The following CFAP299 variants were observed in gnomAD, a reference collection of about 807,000 sequenced individuals.
CFAP299 encodes the protein cilia- and flagella-associated protein 299.
CFAP299 carries 21 observed loss-of-function variants against 27.0 expected under a neutral mutation model. The ratio of observed to expected loss-of-function variants is 0.78; its 90% confidence interval spans 0.55 to 1.12. CFAP299 has a LOEUF of 1.12. Among genes scored for constraint, CFAP299 ranks in the 50% most tolerant of loss-of-function variants. CFAP299 has a pLI of 0.00. For missense variants in CFAP299, 310 were observed against 276.6 expected, an observed-to-expected ratio of 1.12 and a Z score of -0.86; for synonymous variants, 104 against 98.1, an observed-to-expected ratio of 1.06 and a Z score of -0.36.
chr4:80,526,144 G>A (rs563523005), intron 2 of CFAP299, among the ~76,000 whole-genome samples: 13 of 152,130 alleles, frequency 8.5e-5, no homozygotes, highest in African/African-American at 2.9e-4. Flanking sequence ...GCCGGAAGTC[G>A]GGTCATAGCT....
intron 2 of CFAP299, among the ~76,000 whole-genome samples, chr4:80,413,375 C>T (rs1359974024): frequency 6.6e-6 from 1 of 152,222 alleles, no homozygotes; most frequent in Non-Finnish European, 1.5e-5. Flanking sequence ...TCACCTGTGA[C>T]ACCTTTCAGG....
In CFAP299 at chr4:80,685,501, A is replaced by G. The variant is rs542339025; in HGVS notation, c.333+102318A>G. On this transcript the variant is annotated intron_variant, in intron 3 of 5. Coordinates refer to ENST00000358105, the MANE Select transcript of CFAP299 (RefSeq NM_152770.3). Reference sequence around the variant, plus strand: ...GCTGTTGGATAGGTTCTTGTATACAAAAACTCTATAGGTCAAGTAAAGAGC... The same window carrying G: ...GCTGTTGGATAGGTTCTTGTATACAGAAACTCTATAGGTCAAGTAAAGAGC... 5.6e-4 allele frequency among the ~76,000 whole-genome samples: 85 copies of G among 152,102 alleles called. 1 individual carries two copies. The highest frequency in any genetic ancestry group is 1.9e-3 in the African/African-American group (78 of 41,496).
intron 2 of CFAP299, among the ~76,000 whole-genome samples, chr4:80,464,086 A>AT (rs1392215812): frequency 4.7e-5 from 7 of 148,876 alleles, no homozygotes; most frequent in African/African-American, 1.8e-4. Context: ...TTATTTTGTA[A>AT]ATTTTTTTTT....
chr4:80,379,239 TATC>T, intron 2 of CFAP299, among the ~76,000 whole-genome samples: 1 of 152,176 alleles, frequency 6.6e-6, no homozygotes, highest in African/African-American at 2.4e-5. Flanking sequence ...AATATCATGT[TATC>T]ATTTTAATAT....
intron 4 of CFAP299, among the ~76,000 whole-genome samples, chr4:80,920,999 G>A (rs1162856817): frequency 6.6e-6 from 1 of 152,002 alleles, no homozygotes; most frequent in East Asian, 1.9e-4. Context: ...TTTCTTATTT[G>A]CTAAATGCAT....
chr4:80,756,091 A>G (rs1186950243), intron 3 of CFAP299, among the ~76,000 whole-genome samples: 1 of 152,130 alleles, frequency 6.6e-6, no homozygotes, highest in Non-Finnish European at 1.5e-5. Context: ...TAGTTTTAAT[A>G]TAGAAAATAG....
chr4:80,390,555 A>G (rs1725292892), intron 2 of CFAP299, among the ~76,000 whole-genome samples: 2 of 135,824 alleles, frequency 1.5e-5, no homozygotes, highest in Non-Finnish European at 3.1e-5. Context: ...ACATATATGT[A>G]TATATGTATA....
At chr4:80,642,725 C>A (rs1192237576) in intron 3 of CFAP299, among the ~76,000 whole-genome samples, 1 of 152,170 alleles carries the variant, frequency 6.6e-6, no homozygotes. Flanking sequence ...GATCACACCA[C>A]TGCACTCCAG....
At chr4:80,813,925 T>C (rs1179642511) in intron 3 of CFAP299, among the ~76,000 whole-genome samples, 7 of 152,034 alleles carry the variant, frequency 4.6e-5, no homozygotes, top group Admixed American at 4.6e-4. Flanking sequence ...TCATCTATTT[T>C]CTGTATTTAT....
chr4:80,822,180 A>G (rs554707419), intron 3 of CFAP299, among the ~76,000 whole-genome samples: 1 of 152,272 alleles, frequency 6.6e-6, no homozygotes, highest in African/African-American at 2.4e-5. Flanking sequence ...CTTCTTATTT[A>G]TTCATAAATT....
At chr4:80,928,898 A>C (rs912553056) in intron 4 of CFAP299, among the ~76,000 whole-genome samples, 1 of 152,038 alleles carries the variant, frequency 6.6e-6, no homozygotes, top group African/African-American at 2.4e-5. Context: ...TCATAGTATT[A>C]TTCTATCATA....
chr4:80,836,981 A>G (rs2110135718), intron 3 of CFAP299, among the ~76,000 whole-genome samples: 2 of 152,214 alleles, frequency 1.3e-5, no homozygotes, highest in Middle Eastern at 6.8e-3. Context: ...GCTTTTGACT[A>G]GTAGTTTTTA....
chr4:80,765,030 A>G (rs1456563410), intron 3 of CFAP299, among the ~76,000 whole-genome samples: 3 of 152,182 alleles, frequency 2.0e-5, no homozygotes, highest in Non-Finnish European at 4.4e-5. Flanking sequence ...TGGGTGCAGC[A>G]AACCACTGTG....
At chr4:80,631,866 C>CCCCG (rs1739227703) in intron 3 of CFAP299, among the ~76,000 whole-genome samples, 1 of 99,392 alleles carries the variant, frequency 1.0e-5, no homozygotes. Flanking sequence ...TGTGCCCCAC[C>CCCCG]CCCCCCCAAC....
chr4:80,958,244 T>C (rs1468888816), intron 5 of CFAP299, among the ~76,000 whole-genome samples: 1 of 152,198 alleles, frequency 6.6e-6, no homozygotes, highest in Non-Finnish European at 1.5e-5. Context: ...AGAAGGTCTT[T>C]GTAAATACTA....
chr4:80,664,891 T>C lies in CFAP299; in HGVS notation c.333+81708T>C, dbSNP rs1284708568. Among the ~76,000 whole-genome samples the C allele has an allele frequency of 9.9e-5, 15 of 152,278 alleles. No homozygotes were observed. The East Asian group carries it at 2.7e-3, about 27-fold the overall frequency. On this transcript the variant is annotated intron_variant, in intron 3 of 5. Transcript: ENST00000358105. ...CCAAGGGAATCTCTGTTCTGTGGAT[T>C]GCGAAGACCTTGGGAAAAGCGTAGT...
At chr4:80,943,275 C>T (rs1194684876) in intron 4 of CFAP299, among the ~76,000 whole-genome samples, 2 of 151,976 alleles carry the variant, frequency 1.3e-5, no homozygotes, top group South Asian at 4.2e-4. Context: ...GATACGCCCC[C>T]CTCCCAGTGA....
chr4:80,897,988 G>A lies in CFAP299; in HGVS notation c.476+27853G>A, dbSNP rs114040702. ...TGCAGGAGCCAGGGCAAGTGCTTTT[G>A]GGCACTGGCAGGAGCAAACTCCATG... On this transcript the variant is annotated intron_variant, in intron 4 of 5. Coordinates refer to ENST00000358105, the MANE Select transcript of CFAP299 (RefSeq NM_152770.3). Among the ~76,000 whole-genome samples the A allele has an allele frequency of 6.1e-3, 932 of 152,208 alleles. 11 individuals carry two copies. The highest frequency in any genetic ancestry group is 0.021 in the African/African-American group (884 of 41,558).
intron 3 of CFAP299, among the ~76,000 whole-genome samples, chr4:80,595,743 T>C (rs1737027799): frequency 1.3e-5 from 2 of 152,228 alleles, no homozygotes; most frequent in South Asian, 4.1e-4. Flanking sequence ...TGCATACCAC[T>C]TTGACATCTG....
Sources: allele counts gnomAD v4.1 joint callset (sites outside exome capture counted in the v4.1 genomes callset), GRCh38; gene constraint gnomAD v4.1.1; transcripts MANE v1.5; gene names NCBI Gene and HGNC (gene_info 2026-07-23, HGNC 2026-07-21).